C1orf159: variants seen among roughly 807,000 people sequenced by gnomAD.
C1orf159 encodes uncharacterized protein C1orf159.
C1orf159 carries 19 observed loss-of-function variants against 25.6 expected under a neutral mutation model. The observed-to-expected ratio is 0.74, with a 90% CI of 0.52 to 1.09. The LOEUF (loss-of-function observed/expected upper bound fraction) is 1.09. C1orf159 is among the 50% of genes least tolerant of loss of function. The pLI, the probability that C1orf159 is intolerant of heterozygous loss-of-function variation, is 0.00. For missense variants in C1orf159, 274 were observed against 290.6 expected (o/e 0.94, Z 0.42); for synonymous variants, 139 against 124.7 (o/e 1.12, Z -0.77).
chr1:1,104,296 G>C (rs1269147946), intron 1 of C1orf159, among the ~76,000 whole-genome samples: 1 of 152,208 alleles, frequency 6.6e-6, no homozygotes, highest in Non-Finnish European at 1.5e-5. Flanking sequence ...CCAGACAGTG[G>C]ACTTTCTATC....
intron 1 of C1orf159, among the ~76,000 whole-genome samples, chr1:1,113,518 G>A (rs1019390198): frequency 3.3e-5 from 5 of 151,982 alleles, no homozygotes; most frequent in African/African-American, 4.8e-5. Flanking sequence ...TCAGTCCCTC[G>A]AGTAGCTGGG....
At chr1:1,083,043 T>C in intron 9 of C1orf159, 56 bp from the exon 10 acceptor site, 2 of 1,434,310 alleles carry the variant, frequency 1.4e-6, no homozygotes, top group Non-Finnish European at 1.9e-6. Context: ...GCAGGGACAG[T>C]GCAGGCCTCA....
Position 1,091,989 on chromosome 1 carries a change from A to C in C1orf159, c.-23+2T>G, listed in dbSNP as rs985095972. On this transcript the variant is annotated splice_donor_variant, in intron 2 of 9. Transcript: ENST00000421241. LOFTEE classifies it low-confidence loss of function (5UTR_SPLICE). ...TGGGGCGAGGTGTAGGCAGGGCCTT[A>C]CCTGCCCCTCCAGGATGGGGACTAC... 2 of 458,272 alleles carry C rather than the reference A, an allele frequency of 4.4e-6. No homozygotes were observed. Among genetic ancestry groups the C allele is most frequent in the Non-Finnish European group, 8.8e-6 (2 of 228,524 alleles). 28.4% of individuals were successfully genotyped at this position (458,272 alleles called of 1,614,324 possible). A position where few individuals can be genotyped will look rare whatever the true frequency, so the allele number is the denominator to read the frequency against.
chr1:1,112,583 TCC>T (rs942606416), intron 1 of C1orf159, among the ~76,000 whole-genome samples: 1 of 150,198 alleles, frequency 6.7e-6, no homozygotes, highest in Non-Finnish European at 1.5e-5. Context: ...GCATGCTCCC[TCC>T]CCCCAGTGAA....
chr1:1,091,709 G>T, intron 2 of C1orf159, 144 bp from the exon 3 acceptor site: 1 of 614,438 alleles, frequency 1.6e-6, no homozygotes, highest in South Asian at 1.7e-5. Flanking sequence ...AGATGGGTGG[G>T]GCTGTGGTGG....
Position 1,110,948 on chromosome 1 carries a change from G to A in C1orf159, c.-136+5112C>T, listed in dbSNP as rs1309303034. Reference sequence around the variant, plus strand: ...CTGTCTGGCGCGGCAGGCGGGCGCTGGAGCAGCCTGCGAGGCAATCTCCAT... The same window carrying A: ...CTGTCTGGCGCGGCAGGCGGGCGCTAGAGCAGCCTGCGAGGCAATCTCCAT... On this transcript the variant is annotated intron_variant, in intron 1 of 9. Coordinates refer to ENST00000421241, the MANE Select transcript of C1orf159 (RefSeq NM_017891.5). The surrounding 1 kb of genome is among the most constrained non-coding windows in gnomAD (Gnocchi z 4.8). 2.0e-5 allele frequency among the ~76,000 whole-genome samples: 3 copies of A among 152,224 alleles called. No homozygotes were observed. The highest frequency in any genetic ancestry group is 7.2e-5 in the African/African-American group (3 of 41,452).
intron 7 of C1orf159, 26 bp downstream of exon 7, chr1:1,085,852 G>A (rs369037818): frequency 2.0e-4 from 317 of 1,611,776 alleles, no homozygotes; most frequent in Non-Finnish European, 2.7e-4. Flanking sequence ...GCCCTCCCGT[G>A]GGGCAGGTGC....
At chr1:1,088,333 AC>A (rs772807670) in intron 4 of C1orf159, among the ~76,000 whole-genome samples, 137 of 12,872 alleles carry the variant, frequency 0.011, 3 homozygotes, top group South Asian at 0.02. Context: ...CTCCCCCAGG[AC>A]CCCCCACGCC....
Position 1,089,864 on chromosome 1 carries a change from A to G in C1orf159, c.148+489T>C, listed in dbSNP as rs1408550868. 3.9e-5 allele frequency among the ~76,000 whole-genome samples: 6 copies of G among 152,186 alleles called. No homozygotes were observed. The highest frequency in any genetic ancestry group is 7.4e-5 in the Non-Finnish European group (5 of 68,026). On this transcript the variant is annotated intron_variant, in intron 4 of 9. Transcript: ENST00000421241. This position sits in a 1 kb window ranked among gnomAD's most constrained non-coding sequence, Gnocchi z 7.5. Reference sequence around the variant, plus strand: ...CAGACAGTCCCTTCCGCAGCCTCCCAGAACCTCTGATGAACAGGGCCTGCC... The same window carrying G: ...CAGACAGTCCCTTCCGCAGCCTCCCGGAACCTCTGATGAACAGGGCCTGCC...
intron 1 of C1orf159, among the ~76,000 whole-genome samples, chr1:1,109,273 T>C (rs1395202303): frequency 6.6e-6 from 1 of 152,206 alleles, no homozygotes; most frequent in African/African-American, 2.4e-5. Context: ...AAGCAGCTCA[T>C]CACAACAGGA....
chr1:1,107,105 C>T (rs1054627365), intron 1 of C1orf159, among the ~76,000 whole-genome samples: 144 of 152,368 alleles, frequency 9.5e-4, no homozygotes, highest in African/African-American at 3.1e-3. Context: ...CCCTGCTCCG[C>T]GGCACCCGAT....
intron 6 of C1orf159, among the ~76,000 whole-genome samples, chr1:1,086,874 G>T (rs751331348): frequency 1.3e-5 from 2 of 152,178 alleles, no homozygotes; most frequent in Non-Finnish European, 1.5e-5. Context: ...TGTGAGCTGT[G>T]TGACCCTGAG....
In C1orf159 at chr1:1,084,387, GA is replaced by G; in HGVS notation, c.472-5del. ...GTGGCGGGGGGATCATTGCAGCCTT[GA>G]AAAGGAGAGAAAGGCAGAGTGAGGA... On this transcript the variant is annotated splice_region_variant and splice_polypyrimidine_tract_variant and intron_variant, in intron 8 of 9. Transcript: ENST00000421241. 6.3e-7 allele frequency: 1 copy of G among 1,576,038 alleles called. No homozygotes were observed. The highest frequency in any genetic ancestry group is 8.6e-7 in the Non-Finnish European group (1 of 1,160,416).
chr1:1,087,254 G>A lies in C1orf159; in HGVS notation c.245-50C>T. On this transcript the variant is annotated intron_variant, in intron 5 of 9. Coordinates refer to ENST00000421241, the MANE Select transcript of C1orf159 (RefSeq NM_017891.5). The surrounding 1 kb of genome is among the most constrained non-coding windows in gnomAD (Gnocchi z 8.3). ...AGCCTGTGTGCACGGAGCCCACGGG[G>A]ACACCCACGTGCACCCTGAAGGGAT... 1 of 1,535,252 alleles carries A rather than the reference G, an allele frequency of 6.5e-7. No individual in the cohort carries two copies. The highest frequency in any genetic ancestry group is 8.8e-7 in the Non-Finnish European group (1 of 1,133,098).
Position 1,087,370 on chromosome 1 carries a change from A to AG in C1orf159, c.244+131dup. 1 of 1,165,716 alleles carries AG rather than the reference A, an allele frequency of 8.6e-7. No homozygotes were observed. The highest frequency in any genetic ancestry group is 2.6e-5 in the East Asian group (1 of 38,734). The allele number at this position is 1,165,716 out of a possible 1,614,324, so 72.2% of individuals were successfully genotyped here. On this transcript the variant is annotated intron_variant, in intron 5 of 9. Coordinates refer to ENST00000421241, the MANE Select transcript of C1orf159 (RefSeq NM_017891.5). The surrounding 1 kb of genome is among the most constrained non-coding windows in gnomAD (Gnocchi z 8.3). ...CGAATGGCCCAGCAGACTCGGGAAG[A>AG]GGGGGCTCCCGGGGCTGTTCCCCAG...
Position 1,087,686 on chromosome 1 carries a change from A to G in C1orf159, c.149-89T>C. 2 of 998,162 alleles carry G rather than the reference A, an allele frequency of 2.0e-6. No individual in the cohort carries two copies. Among genetic ancestry groups the G allele is most frequent in the Non-Finnish European group, 3.0e-6 (2 of 676,600 alleles). 61.8% of individuals were successfully genotyped at this position (998,162 alleles called of 1,614,324 possible). A position where few individuals can be genotyped will look rare whatever the true frequency, so the allele number is the denominator to read the frequency against. ...GAATGATTCTCTATTTGAGTTGGTG[A>G]GATAACTTTCATTCCAGATACTAAC... On this transcript the variant is annotated intron_variant, in intron 4 of 9. Transcript: ENST00000421241. The surrounding 1 kb of genome is among the most constrained non-coding windows in gnomAD (Gnocchi z 8.3).
Position 1,085,915 on chromosome 1 carries a change from G to A in C1orf159, c.408C>T (p.Ser136=). 1 of 1,613,282 alleles carries A rather than the reference G, an allele frequency of 6.2e-7. No homozygotes were observed. The highest frequency in any genetic ancestry group is 8.5e-7 in the Non-Finnish European group (1 of 1,179,778). ...TGTAGCAGGCCCTGGGGAGTTTACTGGAGCGCTTGAGGTAGAAGAACCCAG... is the reference window on the plus strand; with the variant it reads ...TGTAGCAGGCCCTGGGGAGTTTACTAGAGCGCTTGAGGTAGAAGAACCCAG... ...SVAGFFYLKR[S]SKLPRACYRR... is the part of the protein sequence containing the mutation. The change falls in exon 7 of 10, where the codon TCC becomes TCT. Residue 136 remains serine (S), a synonymous_variant. Transcript: ENST00000421241.
rs72910128 is a variant in C1orf159 at position 1,090,979 on chromosome 1, G to A, written c.72+493C>T. 1,285 of 1,549,764 alleles carry A rather than the reference G, an allele frequency of 8.3e-4. 8 individuals are homozygous for A. The highest frequency in any genetic ancestry group is 7.2e-3 in the East Asian group (295 of 40,892). ...GTTGATCACAGCTGTGCTGTTTCTC[G>A]TGACCTGAATGCAGTGAACGGTGAG... On this transcript the variant is annotated intron_variant, in intron 3 of 9. Transcript: ENST00000421241.
intron 3 of C1orf159, chr1:1,090,764 G>GT (rs1344392348): frequency 6.3e-6 from 6 of 948,652 alleles, no homozygotes; most frequent in African/African-American, 1.6e-5. Flanking sequence ...TCCATCAGGG[G>GT]TTTCCGCTTG....
Sources: gnomAD v4.1 joint callset for allele counts (sites outside exome capture counted in the v4.1 genomes callset) on GRCh38, gnomAD v4.1.1 for gene constraint, Gnocchi (gnomAD v3.1) non-coding constraint, MANE v1.5 for transcripts, NCBI Gene and HGNC (gene_info 2026-07-23, HGNC 2026-07-21) for gene names.